SPAG16: variants seen among roughly 807,000 people sequenced by gnomAD.
SPAG16 encodes the protein sperm associated antigen 16, also known as sperm-associated antigen 16 protein.
In SPAG16, 86 loss-of-function variants were observed where a neutral mutation model predicts 80.4. The ratio of observed to expected loss-of-function variants is 1.07; its 90% CI spans 0.90 to 1.28. The LOEUF (loss-of-function observed/expected upper bound fraction) is 1.28, where lower values mean the gene tolerates loss of function less well. Among genes scored for constraint, SPAG16 ranks in the 50% most tolerant of loss-of-function variants. The pLI is 0.00. For missense variants in SPAG16, 870 were observed against 765.3 expected (o/e 1.14, Z -1.61); for synonymous variants, 294 against 265.9 (o/e 1.11, Z -1.03).
chr2:214,293,653 T>C (rs1693949588), intron 15 of SPAG16, among the ~76,000 whole-genome samples: 3 of 151,742 alleles, frequency 2.0e-5, no homozygotes, highest in Admixed American at 6.5e-5. Flanking sequence ...GCCACTCTCA[T>C]TGGGAGCAGC....
chr2:214,098,714 T>G (rs2052774321), intron 13 of SPAG16, among the ~76,000 whole-genome samples: 1 of 152,112 alleles, frequency 6.6e-6, no homozygotes, highest in South Asian at 2.1e-4. Flanking sequence ...CACCACTCAA[T>G]ATCTGAAACC....
chr2:213,317,201 T>C lies in SPAG16; in HGVS notation c.399-18T>C, dbSNP rs763390392. The C allele has an allele frequency of 8.6e-6, 13 of 1,512,520 alleles. No homozygotes were observed. In the African/African-American group the frequency reaches 1.8e-4, roughly 21 times the overall value. 93.7% of individuals were successfully genotyped at this position (1,512,520 alleles called of 1,614,324 possible). ...CAGAAAGAAATGATATAAACCCTTT[T>C]GTTTGATTTTATCCTAGGTATGAGT... On this transcript the variant is annotated intron_variant, in intron 4 of 15. Coordinates refer to ENST00000331683, the MANE Select transcript of SPAG16 (RefSeq NM_024532.5).
chr2:214,399,592 C>T (rs1202823010), intron 15 of SPAG16, among the ~76,000 whole-genome samples: 1 of 151,982 alleles, frequency 6.6e-6, no homozygotes, highest in Non-Finnish European at 1.5e-5. Context: ...AATATTATAA[C>T]TCTGACTTTT....
At chr2:213,833,362 C>A (rs1281703435) in intron 10 of SPAG16, among the ~76,000 whole-genome samples, 2 of 129,184 alleles carry the variant, frequency 1.5e-5, no homozygotes, top group Non-Finnish European at 3.2e-5. Flanking sequence ...ATATTTTATA[C>A]CTACAAGTGG....
intron 7 of SPAG16, among the ~76,000 whole-genome samples, chr2:213,358,363 G>T (rs1179397757): frequency 6.6e-6 from 1 of 152,066 alleles, no homozygotes; most frequent in African/African-American, 2.4e-5. Flanking sequence ...TTCTAACTTG[G>T]TTCCATTCTC....
At chr2:213,770,337 C>T (rs964168994) in intron 10 of SPAG16, among the ~76,000 whole-genome samples, 8 of 151,788 alleles carry the variant, frequency 5.3e-5, no homozygotes, top group Admixed American at 2.6e-4. Context: ...GCATGTTTAA[C>T]GTTTTAAGAA....
chr2:213,468,777 G>A (rs906133602), intron 9 of SPAG16, among the ~76,000 whole-genome samples: 3 of 150,082 alleles, frequency 2.0e-5, no homozygotes, highest in Admixed American at 6.7e-5. Flanking sequence ...AATTTATTAA[G>A]TATTAACTTA....
At chr2:213,924,667 G>C (rs2078383426) in intron 11 of SPAG16, among the ~76,000 whole-genome samples, 1 of 151,940 alleles carries the variant, frequency 6.6e-6, no homozygotes, top group South Asian at 2.1e-4. Flanking sequence ...GCTTTGCTTT[G>C]CTTTGTTTAC....
chr2:213,783,346 T>C (rs1329579714), intron 10 of SPAG16, among the ~76,000 whole-genome samples: 5 of 151,106 alleles, frequency 3.3e-5, no homozygotes, highest in Non-Finnish European at 7.4e-5. Context: ...CTTAATGACT[T>C]AGGAAGAATC....
chr2:214,251,305 G>A (rs991900625), intron 15 of SPAG16, among the ~76,000 whole-genome samples: 5 of 151,680 alleles, frequency 3.3e-5, no homozygotes, highest in Admixed American at 3.3e-4. Flanking sequence ...GCAAAGCTAT[G>A]GAAGAAGTAT....
intron 5 of SPAG16, among the ~76,000 whole-genome samples, chr2:213,323,064 A>G (rs950546150): frequency 5.6e-5 from 8 of 141,622 alleles, no homozygotes; most frequent in African/African-American, 1.2e-4. Context: ...AAAATGCTCA[A>G]TGTTACTAAT....
At chr2:213,410,509 C>T (rs1485250479) in intron 9 of SPAG16, among the ~76,000 whole-genome samples, 1 of 152,110 alleles carries the variant, frequency 6.6e-6, no homozygotes, top group African/African-American at 2.4e-5. Flanking sequence ...GTAGTTGGTC[C>T]AACGTTCTGT....
At chr2:214,227,284 A>G (rs2058717800) in intron 15 of SPAG16, among the ~76,000 whole-genome samples, 3 of 152,014 alleles carry the variant, frequency 2.0e-5, no homozygotes, top group Admixed American at 2.0e-4. Flanking sequence ...TGCATCAATA[A>G]TGTCAAAATT....
At chr2:213,599,849 C>G (rs1029907347) in intron 10 of SPAG16, among the ~76,000 whole-genome samples, 4 of 152,052 alleles carry the variant, frequency 2.6e-5, no homozygotes, top group African/African-American at 9.7e-5. Flanking sequence ...TTACAGGTGC[C>G]TGCCACCATG....
chr2:213,563,319 T>C (rs2059655305), intron 10 of SPAG16, among the ~76,000 whole-genome samples: 1 of 152,234 alleles, frequency 6.6e-6, no homozygotes, highest in Admixed American at 6.5e-5. Context: ...AATTTGTTCT[T>C]GAACTTTTGA....
At chr2:214,255,694 C>T (rs1576608622) in intron 15 of SPAG16, among the ~76,000 whole-genome samples, 1 of 151,878 alleles carries the variant, frequency 6.6e-6, no homozygotes, top group Non-Finnish European at 1.5e-5. Flanking sequence ...CAATCATTAC[C>T]AGGGTGGTTT....
chr2:214,345,944 T>A (rs959911670), intron 15 of SPAG16, among the ~76,000 whole-genome samples: 21 of 152,218 alleles, frequency 1.4e-4, no homozygotes, highest in African/African-American at 4.8e-4. Flanking sequence ...ATACTACTAA[T>A]TATTCATTGT....
chr2:213,585,579 G>A (rs1473374206), intron 10 of SPAG16, among the ~76,000 whole-genome samples: 2 of 152,100 alleles, frequency 1.3e-5, no homozygotes, highest in Admixed American at 1.3e-4. Context: ...CTGGCAGAAA[G>A]ATTTTTTAGA....
chr2:213,297,689 C>CT (rs2062565263), intron 3 of SPAG16, among the ~76,000 whole-genome samples: 4 of 152,120 alleles, frequency 2.6e-5, no homozygotes, highest in Admixed American at 2.6e-4. Context: ...GTTCTACAGT[C>CT]TGTTTTGTAA....
Sources: allele counts gnomAD v4.1 joint callset (sites outside exome capture counted in the v4.1 genomes callset), GRCh38; gene constraint gnomAD v4.1.1; transcripts MANE v1.5; gene names NCBI Gene and HGNC (gene_info 2026-07-23, HGNC 2026-07-21).